The following VGLL4 variants were observed in gnomAD, a reference collection of about 807,000 sequenced individuals.
VGLL4 encodes vestigial like family member 4.
In VGLL4, 7 loss-of-function variants were observed where a neutral mutation model predicts 21.0. That is an observed-to-expected ratio of 0.33 (90% CI 0.19 to 0.63). The LOEUF (loss-of-function observed/expected upper bound fraction) is 0.63. Among genes scored for constraint, VGLL4 ranks in the 20% least tolerant of loss-of-function variants. The pLI is 0.78. For synonymous variants in VGLL4, 222 were observed against 173.2 expected, an observed-to-expected ratio of 1.28 and a Z score of -2.21; for missense variants, 394 against 425.7, an observed-to-expected ratio of 0.93 and a Z score of 0.66.
chr3:11,705,785 G>A (rs552696860), intron 1 of VGLL4, among the ~76,000 whole-genome samples: 1 of 152,322 alleles, frequency 6.6e-6, no homozygotes, highest in East Asian at 1.9e-4. Context: ...AGCCAGGCGC[G>A]GTGGCGGGCA....
At chr3:11,601,731 A>G (rs1386483367) in intron 2 of VGLL4, 102 bp downstream of exon 2, 1 of 1,308,258 alleles carries the variant, frequency 7.6e-7, no homozygotes, top group Non-Finnish European at 1.1e-6. Flanking sequence ...CTTTTCAAAT[A>G]AAGTATGCAA....
intron 2 of VGLL4, among the ~76,000 whole-genome samples, chr3:11,669,469 T>C (rs186102848): frequency 7.8e-4 from 119 of 152,312 alleles, no homozygotes; most frequent in Admixed American, 7.7e-3. Flanking sequence ...CCTTTGACAG[T>C]ATAATTACAA....
intron 2 of VGLL4, chr3:11,699,536 G>A (rs960125971): frequency 3.3e-5 from 5 of 152,164 alleles, no homozygotes; most frequent in African/African-American, 1.2e-4. Context: ...GCTAGGCATG[G>A]TAGCTCACAC....
Position 11,655,777 on chromosome 3 carries a change from G to A in VGLL4, c.64+47194C>T, listed in dbSNP as rs547737021. On this transcript the variant is annotated intron_variant, in intron 2 of 5. Coordinates refer to the VGLL4 transcript ENST00000273038. ...GGGGTTTCTAGTGACTCGTCTCACT[G>A]CATAGGAGCCTGCCCTCAGAGGACG... Among the ~76,000 whole-genome samples, 17 of 152,262 alleles carry A rather than the reference G, an allele frequency of 1.1e-4. No homozygotes were observed. The East Asian group carries it at 3.1e-3, about 28-fold the overall frequency.
chr3:11,612,919 A>C (rs1314119948), intron 1 of VGLL4, among the ~76,000 whole-genome samples: 3 of 152,232 alleles, frequency 2.0e-5, no homozygotes, highest in Non-Finnish European at 4.4e-5. Context: ...TACTTTTGTA[A>C]CATTTTACTG....
intron 1 of VGLL4, among the ~76,000 whole-genome samples, chr3:11,720,108 C>T (rs1045511690): frequency 6.6e-6 from 1 of 152,152 alleles, no homozygotes; most frequent in Non-Finnish European, 1.5e-5. Context: ...CCGACGTTCA[C>T]AGTCCAACCA....
intron 2 of VGLL4, among the ~76,000 whole-genome samples, chr3:11,576,061 T>A (rs904230380): frequency 6.6e-6 from 1 of 152,224 alleles, no homozygotes; most frequent in Non-Finnish European, 1.5e-5. Context: ...TAGCTTTAGT[T>A]TTTTAAGAAA....
At chr3:11,679,842 A>G (rs1367443152) in intron 2 of VGLL4, among the ~76,000 whole-genome samples, 1 of 152,236 alleles carries the variant, frequency 6.6e-6, no homozygotes, top group Non-Finnish European at 1.5e-5. Flanking sequence ...ACCTAAGGTT[A>G]GTAATTTACT....
intron 1 of VGLL4, among the ~76,000 whole-genome samples, chr3:11,717,543 G>C (rs1210991170): frequency 8.6e-6 from 1 of 116,026 alleles, no homozygotes. Flanking sequence ...GAGTCTCTCT[G>C]TTGTCCAGGC....
At chr3:11,657,224 C>T (rs1294963469) in intron 2 of VGLL4, among the ~76,000 whole-genome samples, 3 of 152,234 alleles carry the variant, frequency 2.0e-5, no homozygotes, top group Non-Finnish European at 2.9e-5. Context: ...CCAAGGACTC[C>T]GATCATTCCT....
intron 1 of VGLL4, among the ~76,000 whole-genome samples, chr3:11,633,832 G>A (rs1361749200): frequency 6.6e-6 from 1 of 152,182 alleles, no homozygotes; most frequent in African/African-American, 2.4e-5. Flanking sequence ...TTCACGTTAT[G>A]TGGACTGCAG....
At chr3:11,703,073 A>AC in intron 1 of VGLL4, 1 of 1,573,178 alleles carries the variant, frequency 6.4e-7, no homozygotes, top group South Asian at 1.2e-5. Flanking sequence ...AAAAGGGGAA[A>AC]AAATAATTTA....
intron 1 of VGLL4, among the ~76,000 whole-genome samples, chr3:11,708,618 A>C (rs1196891290): frequency 2.6e-5 from 4 of 152,242 alleles, no homozygotes; most frequent in Non-Finnish European, 4.4e-5. Context: ...CAAGGAAGTG[A>C]CAAGTTTATT....
At chr3:11,571,362 C>T (rs1345054905) in intron 2 of VGLL4, among the ~76,000 whole-genome samples, 1 of 152,226 alleles carries the variant, frequency 6.6e-6, no homozygotes, top group Non-Finnish European at 1.5e-5. Context: ...CCACAACCAT[C>T]CACCCACGTA....
intron 2 of VGLL4, among the ~76,000 whole-genome samples, chr3:11,591,374 GC>G (rs1370941906): frequency 1.3e-5 from 2 of 152,220 alleles, no homozygotes; most frequent in Non-Finnish European, 2.9e-5. Flanking sequence ...CCCCAGTGCA[GC>G]CTGGAACAGC....
Position 11,582,282 on chromosome 3 carries a change from T to A in VGLL4, c.273-17263A>T, listed in dbSNP as rs1220918289. The A allele has an allele frequency of 3.7e-6, 6 of 1,605,904 alleles. No homozygotes were observed. The Admixed American group carries it at 8.5e-5, about 23-fold the overall frequency. On this transcript the variant is annotated intron_variant, in intron 2 of 4. Coordinates refer to ENST00000430365, the MANE Select transcript of VGLL4 (RefSeq NM_001128219.3). The stretch of plus-strand genomic sequence containing the variant: ...AATAAAATGAAAGGGTTCTTGGTAC[T>A]AACCTCACTTTAATCATTGCCAAAG...
At chr3:11,632,862 G>GT (rs2075511289) in intron 1 of VGLL4, among the ~76,000 whole-genome samples, 1 of 152,050 alleles carries the variant, frequency 6.6e-6, no homozygotes, top group African/African-American at 2.4e-5. Flanking sequence ...AACAGTTCCT[G>GT]GCACATAATG....
At chr3:11,614,784 C>A (rs57025329) in intron 1 of VGLL4, among the ~76,000 whole-genome samples, 18 of 152,298 alleles carry the variant, frequency 1.2e-4, no homozygotes, top group African/African-American at 4.3e-4. Context: ...GCACACCATT[C>A]GAGAGCCTGA....
rs1011751688 is a variant in VGLL4, at chr3:11,719,812, C to T, written c.-14+582G>A. Among the ~76,000 whole-genome samples, 2 of 152,042 alleles carry T rather than the reference C, an allele frequency of 1.3e-5. No individual in the cohort carries two copies. Among genetic ancestry groups the T allele is most frequent in the East Asian group, 1.9e-4 (1 of 5,152 alleles). On this transcript the variant is annotated intron_variant, in intron 1 of 5. Coordinates refer to the VGLL4 transcript ENST00000273038. This position sits in a 1 kb window ranked among gnomAD's most constrained non-coding sequence, Gnocchi z 4.0. ...CTTTCCCTCCCCCGCCAGCTGCGCG[C>T]CCGGTGCCAGCTCGCACCTCCCGGG...
Sources: allele counts gnomAD v4.1 joint callset (sites outside exome capture counted in the v4.1 genomes callset), GRCh38; gene constraint gnomAD v4.1.1; non-coding constraint Gnocchi (gnomAD v3.1); transcripts MANE v1.5; gene names NCBI Gene and HGNC (gene_info 2026-07-23, HGNC 2026-07-21).